The following SLC8A1 variants were observed in gnomAD, a reference collection of about 807,000 sequenced individuals.
The protein encoded by SLC8A1 is sodium/calcium exchanger 1.
A neutral mutation model predicts 68.3 loss-of-function variants in SLC8A1; 18 were observed. That is an observed-to-expected ratio of 0.26 (90% CI 0.18 to 0.39). SLC8A1 has a LOEUF of 0.39. Ranked by LOEUF, SLC8A1 falls within the 10% of genes least tolerant of loss-of-function variation. SLC8A1 has a pLI of 1.00. For missense variants in SLC8A1, 985 were observed against 1,156.7 expected, an observed-to-expected ratio of 0.85 and a Z score of 2.15; for synonymous variants, 475 against 415.5, an observed-to-expected ratio of 1.14 and a Z score of -1.74.
chr2:40,201,311 A>C (rs772777268), intron 2 of SLC8A1, among the ~76,000 whole-genome samples: 1 of 151,892 alleles, frequency 6.6e-6, no homozygotes, highest in Non-Finnish European at 1.5e-5. Flanking sequence ...GTTCTAATCA[A>C]TATTTTTCTA....
At chr2:40,382,821 T>C (rs181141064) in intron 2 of SLC8A1, among the ~76,000 whole-genome samples, 111 of 152,258 alleles carry the variant, frequency 7.3e-4, no homozygotes, top group African/African-American at 2.5e-3. Flanking sequence ...AGAATGTCTA[T>C]TTTAAAATTA....
At chr2:40,504,421 C>T (rs1215983261) in intron 1 of SLC8A1, among the ~76,000 whole-genome samples, 2 of 151,994 alleles carry the variant, frequency 1.3e-5, no homozygotes, top group Non-Finnish European at 2.9e-5. Flanking sequence ...GAGCAATACC[C>T]CACAAGCACA....
At chr2:40,313,806 A>T (rs1405338299) in intron 2 of SLC8A1, among the ~76,000 whole-genome samples, 2 of 152,050 alleles carry the variant, frequency 1.3e-5, no homozygotes, top group African/African-American at 4.8e-5. Flanking sequence ...GCATATTTCC[A>T]TGTGCTTATT....
At chr2:40,342,616 G>A (rs1668050320) in intron 2 of SLC8A1, among the ~76,000 whole-genome samples, 1 of 152,128 alleles carries the variant, frequency 6.6e-6, no homozygotes, top group African/African-American at 2.4e-5. Flanking sequence ...CCAACATGCT[G>A]TTAGATAGTT....
intron 2 of SLC8A1, among the ~76,000 whole-genome samples, chr2:40,408,479 G>T (rs1299079972): frequency 2.6e-5 from 4 of 152,118 alleles, no homozygotes; most frequent in African/African-American, 4.8e-5. Flanking sequence ...AAAACCACAG[G>T]AAATTTTGGC....
At chr2:40,286,791 T>C (rs900482099) in intron 2 of SLC8A1, among the ~76,000 whole-genome samples, 5 of 152,216 alleles carry the variant, frequency 3.3e-5, no homozygotes, top group African/African-American at 1.2e-4. Context: ...GAGCAATTGA[T>C]AATACCAGTG....
At position 40,234,670 on chromosome 2, in the gene SLC8A1, CTT is replaced by C. The variant is rs1489075385; in HGVS notation, c.1809-56817_1809-56816del. On this transcript the variant is annotated intron_variant, in intron 2 of 7. Transcript: ENST00000406785. Reference sequence around the variant, plus strand: ...GAGTGGTGAGAGAGGGCATCCCTGTCTTGTGCCAGTTTTCAAAGGGAATGCTT... The same window carrying C: ...GAGTGGTGAGAGAGGGCATCCCTGTCGTGCCAGTTTTCAAAGGGAATGCTT... Among the ~76,000 whole-genome samples, 3 of 152,302 alleles carry C rather than the reference CTT, an allele frequency of 2.0e-5. No individual in the cohort carries two copies. The East Asian group carries it at 5.8e-4, about 29-fold the overall frequency.
chr2:40,276,918 G>A (rs2066771084), intron 2 of SLC8A1, among the ~76,000 whole-genome samples: 1 of 152,138 alleles, frequency 6.6e-6, no homozygotes, highest in Non-Finnish European at 1.5e-5. Flanking sequence ...CTTTTGTGAT[G>A]GTTCAACTTA....
At chr2:40,498,308 G>A (rs1451621184) in intron 1 of SLC8A1, among the ~76,000 whole-genome samples, 1 of 152,038 alleles carries the variant, frequency 6.6e-6, no homozygotes, top group African/African-American at 2.4e-5. Context: ...GTACCTGGCT[G>A]CTCCAAATTT....
At chr2:40,467,755 C>T (rs894718154) in intron 1 of SLC8A1, among the ~76,000 whole-genome samples, 2 of 152,086 alleles carry the variant, frequency 1.3e-5, no homozygotes, top group Non-Finnish European at 2.9e-5. Flanking sequence ...TTTTCTGTAA[C>T]ACTTTTGCAT....
chr2:40,406,964 A>T (rs1690566798), intron 2 of SLC8A1, among the ~76,000 whole-genome samples: 1 of 152,028 alleles, frequency 6.6e-6, no homozygotes, highest in African/African-American at 2.4e-5. Flanking sequence ...TTTTTACTTC[A>T]TGATGACAAT....
intron 2 of SLC8A1, among the ~76,000 whole-genome samples, chr2:40,378,559 G>A (rs1464820477): frequency 6.6e-6 from 1 of 152,090 alleles, no homozygotes. Context: ...AGGAGTGTCT[G>A]GGAAAATCAG....
In SLC8A1 at chr2:40,099,456, A is replaced by G. The variant is rs78186786; in HGVS notation, c.*15797T>C. 275 of 152,200 alleles carry G rather than the reference A, an allele frequency of 1.8e-3. 3 individuals carry two copies. Among genetic ancestry groups the G allele is most frequent in the African/African-American group, 6.3e-3 (263 of 41,538 alleles). 9.4% of individuals were successfully genotyped at this position (152,200 alleles called of 1,614,324 possible). On this transcript the variant is annotated 3_prime_UTR_variant, in exon 8 of 8. Coordinates refer to ENST00000406785, the Ensembl canonical transcript of SLC8A1. ...TTTAGAAATAACCGTAGACATGGGAACAAACTTTAGGATCAACTACGGGAA... is the reference window on the plus strand; with the variant it reads ...TTTAGAAATAACCGTAGACATGGGAGCAAACTTTAGGATCAACTACGGGAA...
intron 2 of SLC8A1, among the ~76,000 whole-genome samples, chr2:40,197,683 AACTG>A (rs72039967): frequency 0.11 from 16,111 of 151,918 alleles, 952 homozygotes; most frequent in Non-Finnish European, 0.12. Context: ...AATGAGAGGA[AACTG>A]ACTGGTTATT....
In SLC8A1 at chr2:40,265,714, A is replaced by G. The variant is rs559488184; in HGVS notation, c.1809-87859T>C. Among the ~76,000 whole-genome samples, 16 of 152,296 alleles carry G rather than the reference A, an allele frequency of 1.1e-4. No individual in the cohort carries two copies. In the South Asian group the frequency reaches 3.1e-3, roughly 30 times the overall value. On this transcript the variant is annotated intron_variant, in intron 2 of 7. Transcript: ENST00000406785. ...AGCAGTAATTCATTTCCCATGTGGT[A>G]CTTGGAGCTGCTGCTTAGATGTTGA...
At chr2:40,099,149 G>T (rs1392751722) in exon 8 of SLC8A1, 1 of 151,830 alleles carries the variant, frequency 6.6e-6, no homozygotes, top group Non-Finnish European at 1.5e-5. Flanking sequence ...TCAACAATAT[G>T]GTCAGCAAAG....
chr2:40,287,788 G>A (rs1243070110), intron 2 of SLC8A1, among the ~76,000 whole-genome samples: 5 of 151,884 alleles, frequency 3.3e-5, no homozygotes, highest in African/African-American at 9.7e-5. Context: ...TGGTCCTAGA[G>A]GGCAGAGAGG....
intron 2 of SLC8A1, among the ~76,000 whole-genome samples, chr2:40,249,796 C>G (rs1449986975): frequency 6.6e-6 from 1 of 152,154 alleles, no homozygotes; most frequent in Non-Finnish European, 1.5e-5. Flanking sequence ...AAATATGTCT[C>G]TACTCTGTAT....
chr2:40,388,691 C>A (rs1032177066), intron 2 of SLC8A1, among the ~76,000 whole-genome samples: 1 of 151,958 alleles, frequency 6.6e-6, no homozygotes, highest in Non-Finnish European at 1.5e-5. Context: ...AAGCTTGGAC[C>A]AAATCAAATA....
Sources: gnomAD v4.1 joint callset for allele counts (sites outside exome capture counted in the v4.1 genomes callset) on GRCh38, gnomAD v4.1.1 for gene constraint, MANE v1.5 for transcripts, NCBI Gene and HGNC (gene_info 2026-07-23, HGNC 2026-07-21) for gene names.